Variants in PCDH15 observed in about 807,000 individuals in gnomAD.
PCDH15 encodes protocadherin-15.
A neutral mutation model predicts 178.5 loss-of-function variants in PCDH15; 129 were observed. The observed-to-expected ratio is 0.72, with a 90% confidence interval of 0.63 to 0.84. The LOEUF is 0.84. Ranked by LOEUF, PCDH15 falls within the 40% of genes least tolerant of loss-of-function variation. The pLI, the probability that PCDH15 is intolerant of heterozygous loss-of-function variation, is 0.00. For synonymous variants in PCDH15, 800 were observed against 732.0 expected (o/e 1.09, Z -1.50); for missense variants, 2,230 against 2,099.9 (o/e 1.06, Z -1.21).
At chr10:55,610,864 T>C (rs1218430010) in intron 2 of PCDH15, among the ~76,000 whole-genome samples, 1 of 152,026 alleles carries the variant, frequency 6.6e-6, no homozygotes, top group Non-Finnish European at 1.5e-5. Context: ...AATTGGGTGG[T>C]TGTCTAAGGC....
chr10:54,859,253 T>C (rs1953796430), intron 3 of PCDH15, among the ~76,000 whole-genome samples: 2 of 152,082 alleles, frequency 1.3e-5, no homozygotes, highest in South Asian at 4.1e-4. Flanking sequence ...CAAATTAATA[T>C]TCATAAATCC....
chr10:55,079,022 T>C (rs1018059402), intron 2 of PCDH15, among the ~76,000 whole-genome samples: 1 of 152,160 alleles, frequency 6.6e-6, no homozygotes, highest in African/African-American at 2.4e-5. Context: ...CTTTGTATTG[T>C]TTTTCAGAAT....
Position 55,514,987 on chromosome 10 carries a change from A to ATTT in PCDH15, c.-156+112635_-156+112637dup, listed in dbSNP as rs35469059. On this transcript the variant is annotated intron_variant, in intron 2 of 5. Coordinates refer to the PCDH15 transcript ENST00000613346. ...TATATATAGATAGATAGATAGATAG[A>ATTT]TTTTTTTTTTTTTTTTTTTTGAGAT... Among the ~76,000 whole-genome samples the ATTT allele has an allele frequency of 9.6e-3, 1,156 of 120,208 alleles. 29 individuals carry two copies. Among genetic ancestry groups the ATTT allele is most frequent in the African/African-American group, 0.02 (651 of 31,768 alleles). The allele number at this position is 120,208 out of a possible 152,430, so 78.9% of individuals were successfully genotyped here. A position where few individuals can be genotyped will look rare whatever the true frequency, so the allele number is the denominator to read the frequency against.
intron 3 of PCDH15, among the ~76,000 whole-genome samples, chr10:54,442,459 T>TATATATATATATAC: frequency 1.1e-5 from 1 of 93,474 alleles, no homozygotes; most frequent in African/African-American, 4.8e-5. Context: ...TATATATATA[T>TATATATATATATAC]ACAGTCTTTT....
chr10:54,192,113 A>AT, intron 11 of PCDH15, among the ~76,000 whole-genome samples: 4 of 133,408 alleles, frequency 3.0e-5, no homozygotes, highest in South Asian at 2.5e-4. Context: ...GAAAGAAAAA[A>AT]AAAAAAGAAA....
rs538740580 is a variant in PCDH15 at position 53,934,869 on chromosome 10, C to T, written c.3373+3946G>A. 6.6e-5 allele frequency among the ~76,000 whole-genome samples: 10 copies of T among 151,520 alleles called. No homozygotes were observed. In the East Asian group the frequency reaches 2.0e-3, roughly 30 times the overall value. The stretch of plus-strand genomic sequence containing the variant: ...CTGGGAAATTTTCTTAGCCTTCTGT[C>T]AGTTTCTATTGCACAAGAGCATAAG... On this transcript the variant is annotated intron_variant, in intron 25 of 37. Coordinates refer to ENST00000644397, the MANE Select transcript of PCDH15 (RefSeq NM_001384140.1).
intron 1 of PCDH15, among the ~76,000 whole-genome samples, chr10:54,753,997 A>ATTTT (rs144330794): frequency 7.5e-6 from 1 of 132,460 alleles, no homozygotes; most frequent in South Asian, 2.4e-4. Flanking sequence ...TATTATTATT[A>ATTTT]TTTTTTATTT....
rs756714519 is a variant in PCDH15 at position 53,810,592 on chromosome 10, C to A, written c.4635G>T (p.Val1545=). The A allele has an allele frequency of 5.0e-6, 8 of 1,613,812 alleles. No homozygotes were observed. In the East Asian group the frequency reaches 1.6e-4, roughly 31 times the overall value. ...PPAGQEEYGE[V]VGEAEEEYEE... ...CATATTCTTCCTCAGCTTCACCAAC[C>A]ACCTCACCATATTCCTCCTGTCCAG... Residue 1545 remains valine (V), a synonymous_variant, in exon 37 of 38, where the codon GTG becomes GTT. Coordinates refer to ENST00000644397, the MANE Select transcript of PCDH15 (RefSeq NM_001384140.1).
chr10:54,515,156 C>A (rs2082082248), intron 3 of PCDH15, among the ~76,000 whole-genome samples: 1 of 152,172 alleles, frequency 6.6e-6, no homozygotes, highest in Admixed American at 6.5e-5. Context: ...GCACCGTGCA[C>A]CAGCCAAAGC....
intron 1 of PCDH15, among the ~76,000 whole-genome samples, chr10:55,236,094 T>A (rs192864883): frequency 6.7e-6 from 1 of 148,204 alleles, no homozygotes; most frequent in East Asian, 1.9e-4. Context: ...TGTCCTGCTG[T>A]TTTTTTTCTT....
rs192259369 is a variant in PCDH15 at position 54,296,722 on chromosome 10, C to T, written c.876+20549G>A. On this transcript the variant is annotated intron_variant, in intron 8 of 37. Coordinates refer to ENST00000644397, the MANE Select transcript of PCDH15 (RefSeq NM_001384140.1). ...CCCCTCCTCAGGCTAGCAGGCCTAA[C>T]AAAGGCTATTCCTGAAGCTAGGATA... 2.6e-3 allele frequency among the ~76,000 whole-genome samples: 395 copies of T among 152,246 alleles called. 1 individual carries two copies. The highest frequency in any genetic ancestry group is 7.1e-3 in the African/African-American group (295 of 41,570).
chr10:55,375,006 T>C (rs1031252861), intron 2 of PCDH15, among the ~76,000 whole-genome samples: 1 of 152,124 alleles, frequency 6.6e-6, no homozygotes, highest in African/African-American at 2.4e-5. Context: ...ACCAAGTAAC[T>C]ATCTTCTATC....
chr10:55,584,913 G>T (rs999779785), intron 2 of PCDH15, among the ~76,000 whole-genome samples: 2 of 151,246 alleles, frequency 1.3e-5, no homozygotes, highest in Middle Eastern at 3.5e-3. Context: ...CTTGAAAGTA[G>T]TATTTGAGTA....
chr10:54,691,353 C>T (rs1259563784), intron 1 of PCDH15, among the ~76,000 whole-genome samples: 1 of 151,990 alleles, frequency 6.6e-6, no homozygotes, highest in Non-Finnish European at 1.5e-5. Flanking sequence ...ACTCTCAAAC[C>T]AAGAAATTCT....
chr10:54,114,954 C>T (rs1185837588), intron 15 of PCDH15, among the ~76,000 whole-genome samples: 1 of 152,102 alleles, frequency 6.6e-6, no homozygotes, highest in East Asian at 1.9e-4. Flanking sequence ...AGGAATTTAA[C>T]AAAAATGTGA....
chr10:55,445,462 C>A (rs762633660), intron 2 of PCDH15, among the ~76,000 whole-genome samples: 2 of 152,106 alleles, frequency 1.3e-5, no homozygotes, highest in Non-Finnish European at 2.9e-5. Context: ...CTTTCTGAGC[C>A]TCAGTTTCAT....
intron 20 of PCDH15, among the ~76,000 whole-genome samples, chr10:53,999,151 G>A (rs2092000380): frequency 6.6e-6 from 1 of 151,600 alleles, no homozygotes; most frequent in Non-Finnish European, 1.5e-5. Flanking sequence ...GACAGTATAA[G>A]CCAATGGGCG....
intron 2 of PCDH15, among the ~76,000 whole-genome samples, chr10:55,574,037 A>T (rs554989244): frequency 6.6e-6 from 1 of 152,004 alleles, no homozygotes; most frequent in Non-Finnish European, 1.5e-5. Flanking sequence ...TATTGTCACA[A>T]AAAAACCACA....
chr10:53,975,993 C>A (rs1398394976), intron 21 of PCDH15, among the ~76,000 whole-genome samples: 1 of 152,082 alleles, frequency 6.6e-6, no homozygotes, highest in African/African-American at 2.4e-5. Flanking sequence ...ATATGGCTAG[C>A]GAGTATACTA....
Sources: gnomAD v4.1 joint callset for allele counts (sites outside exome capture counted in the v4.1 genomes callset) on GRCh38, gnomAD v4.1.1 for gene constraint, MANE v1.5 for transcripts, NCBI Gene and HGNC (gene_info 2026-07-23, HGNC 2026-07-21) for gene names.